MACF1: variants seen among roughly 807,000 people sequenced by gnomAD.
MACF1 encodes microtubule-actin cross-linking factor 1.
Under a neutral mutation model 854.8 loss-of-function variants are expected in MACF1, and 193 were observed. The ratio of observed to expected loss-of-function variants is 0.23; its 90% CI spans 0.20 to 0.25. The LOEUF (loss-of-function observed/expected upper bound fraction) is 0.25, where lower values mean the gene tolerates loss of function less well. MACF1 is among the 10% of genes least tolerant of loss of function. The probability of loss-of-function intolerance (pLI) is 1.00; values close to 1 mark genes in which losing one functional copy is unlikely to be tolerated. For missense variants in MACF1, 7,722 were observed against 8,929.1 expected, an observed-to-expected ratio of 0.86 and a Z score of 5.45; for synonymous variants, 3,185 against 3,226.7, an observed-to-expected ratio of 0.99 and a Z score of 0.44.
chr1:39,321,752 CTCAGACCTGCTGAA>C (rs1432453025), intron 31 of MACF1, among the ~76,000 whole-genome samples: 1 of 152,168 alleles, frequency 6.6e-6, no homozygotes, highest in Non-Finnish European at 1.5e-5. Flanking sequence ...AATGTAGAAT[CTCAGACCTGCTGAA>C]TCAGATTCTG....
chr1:39,411,049 G>A, intron 58 of MACF1: 2 of 1,613,916 alleles, frequency 1.2e-6, no homozygotes, highest in Non-Finnish European at 1.7e-6. Flanking sequence ...CTGGCCGAGG[G>A]CCACAAAAAG....
intron 99 of MACF1, among the ~76,000 whole-genome samples, chr1:39,483,282 TTTA>T (rs1645049650): frequency 6.6e-6 from 1 of 152,098 alleles, no homozygotes; most frequent in Admixed American, 6.6e-5. Context: ...CATGCAAGTT[TTTA>T]TTGAGTTCCT....
chr1:39,169,757 C>T (rs1382140815), intron 2 of MACF1, among the ~76,000 whole-genome samples: 2 of 135,260 alleles, frequency 1.5e-5, no homozygotes, highest in Non-Finnish European at 3.1e-5. Flanking sequence ...TCTCCTTGCC[C>T]TTTCTTTCTT....
chr1:39,170,561 C>A (rs149077297), intron 2 of MACF1, among the ~76,000 whole-genome samples: 137 of 152,214 alleles, frequency 9.0e-4, no homozygotes, highest in African/African-American at 3.0e-3. Context: ...TAAGTGAGGA[C>A]AAATGACAAG....
At chr1:39,190,375 G>T (rs1165738200) in intron 2 of MACF1, among the ~76,000 whole-genome samples, 3 of 101,464 alleles carry the variant, frequency 3.0e-5, no homozygotes, top group Non-Finnish European at 4.0e-5. Context: ...TCTTTTGTGT[G>T]TGTGTGTGTG....
rs748856153 is a variant in MACF1, at chr1:39,324,232, GTTA to G, written c.4277_4279del (p.Val1426_Lys1427delinsGlu). On this transcript the variant is annotated inframe_deletion, in exon 34 of 101. Transcript: ENST00000564288. Reference sequence around the variant, plus strand: ...GGAGAAACAAGAACATGTGGAGAAGGTTAAAGAACTTTTGGGCTGGGTGTCTAC... The same window carrying G: ...GGAGAAACAAGAACATGTGGAGAAGGAAGAACTTTTGGGCTGGGTGTCTAC... The G allele has an allele frequency of 6.2e-7, 1 of 1,612,632 alleles. No homozygotes were observed. The highest frequency in any genetic ancestry group is 8.5e-7 in the Non-Finnish European group (1 of 1,179,288).
chr1:39,183,411 T>C (rs1644128289), intron 2 of MACF1, among the ~76,000 whole-genome samples: 1 of 152,176 alleles, frequency 6.6e-6, no homozygotes, highest in South Asian at 2.1e-4. Context: ...GTATGAATAG[T>C]ATTTGTCTGT....
rs1645046354 is a variant in MACF1 at position 39,252,088 on chromosome 1, G to C, written c.357+147G>C. 5 of 479,224 alleles carry C rather than the reference G, an allele frequency of 1.0e-5. No homozygotes were observed. In the East Asian group the frequency reaches 1.7e-4, roughly 17 times the overall value. 29.7% of individuals were successfully genotyped at this position (479,224 alleles called of 1,614,324 possible). On this transcript the variant is annotated intron_variant, in intron 4 of 100. Coordinates refer to ENST00000564288, the MANE Select transcript of MACF1 (RefSeq NM_001394062.1). The stretch of plus-strand genomic sequence containing the variant: ...ACTGGGAATTTGGGTCCCAAAGAAA[G>C]TAGTTAAAACTAATTGTGCCTTTTG...
chr1:39,406,455 T>C (rs902699864), intron 58 of MACF1, among the ~76,000 whole-genome samples: 4 of 152,176 alleles, frequency 2.6e-5, no homozygotes, highest in African/African-American at 9.7e-5. Context: ...GATAATTCTT[T>C]ATGGCTGGGA....
chr1:39,361,257 G>A, intron 48 of MACF1, 103 bp from the exon 49 acceptor site: 1 of 1,164,318 alleles, frequency 8.6e-7, no homozygotes, highest in East Asian at 2.4e-5. Context: ...CTCGGTTGCA[G>A]TCCTCCAGTC....
chr1:39,268,416 T>C, intron 6 of MACF1: 1 of 1,029,760 alleles, frequency 9.7e-7, no homozygotes, highest in Non-Finnish European at 1.2e-6. Flanking sequence ...CTGCAGCCAA[T>C]CCGGTTTCTG....
At chr1:39,350,756 C>T in intron 42 of MACF1, 29 bp from the exon 43 acceptor site, 2 of 1,551,274 alleles carry the variant, frequency 1.3e-6, no homozygotes, top group Non-Finnish European at 8.9e-7. Flanking sequence ...AAGTCGAAGG[C>T]TCTGCCATTC....
intron 2 of MACF1, among the ~76,000 whole-genome samples, chr1:39,164,342 G>A (rs1057283623): frequency 1.3e-5 from 2 of 152,148 alleles, no homozygotes; most frequent in Admixed American, 6.5e-5. Flanking sequence ...GGTAACAAGA[G>A]GCTATCTGTA....
At chr1:39,401,478 G>A (rs1037647002) in intron 58 of MACF1, among the ~76,000 whole-genome samples, 6 of 152,100 alleles carry the variant, frequency 3.9e-5, no homozygotes, top group East Asian at 1.9e-4. Flanking sequence ...AAAAAATATC[G>A]GCAGAGTTTC....
chr1:39,130,360 CT>C (rs1355259684), intron 2 of MACF1, among the ~76,000 whole-genome samples: 1 of 152,178 alleles, frequency 6.6e-6, no homozygotes, highest in Non-Finnish European at 1.5e-5. Flanking sequence ...ACTAAATGAC[CT>C]TTTGTAGTCA....
At chr1:39,201,420 T>C (rs1298089600), upstream of MACF1, among the ~76,000 whole-genome samples, 1 of 152,104 alleles carries the variant, frequency 6.6e-6, no homozygotes, top group African/African-American at 2.4e-5. Flanking sequence ...TGGCGCGATT[T>C]TGGCTCACTG....
chr1:39,368,499 GT>G (rs1293561226), intron 50 of MACF1, among the ~76,000 whole-genome samples, 185 bp downstream of exon 50: 1 of 151,838 alleles, frequency 6.6e-6, no homozygotes, highest in Non-Finnish European at 1.5e-5. Context: ...ATGCTTAGTG[GT>G]TTTTCTTTTC....
intron 2 of MACF1, among the ~76,000 whole-genome samples, chr1:39,186,347 A>G (rs761482197): frequency 2.0e-5 from 3 of 149,480 alleles, no homozygotes; most frequent in Non-Finnish European, 3.0e-5. Flanking sequence ...GCTCACTGCA[A>G]CCACCAACTC....
chr1:39,360,781 C>A lies in MACF1; in HGVS notation c.12245-12C>A. On this transcript the variant is annotated splice_polypyrimidine_tract_variant and intron_variant, in intron 47 of 100. Coordinates refer to ENST00000564288, the MANE Select transcript of MACF1 (RefSeq NM_001394062.1). ...TGTCTCCACTCTTTCTTTTCATGGC[C>A]TGATTTTTCAGATTCCATACTCAGC... The A allele has an allele frequency of 6.3e-7, 1 of 1,575,294 alleles. No homozygotes were observed. The highest frequency in any genetic ancestry group is 8.6e-7 in the Non-Finnish European group (1 of 1,157,658).
Sources: gnomAD v4.1 joint callset for allele counts (sites outside exome capture counted in the v4.1 genomes callset) on GRCh38, gnomAD v4.1.1 for gene constraint, MANE v1.5 for transcripts, NCBI Gene and HGNC (gene_info 2026-07-23, HGNC 2026-07-21) for gene names.